Variants in MANF observed in about 807,000 individuals in gnomAD.
The protein encoded by MANF is mesencephalic astrocyte derived neurotrophic factor, also known as mesencephalic astrocyte-derived neurotrophic factor.
A neutral mutation model predicts 19.1 loss-of-function variants in MANF; 9 were observed. The ratio of observed to expected loss-of-function variants is 0.47; its 90% CI spans 0.28 to 0.82. The LOEUF is 0.82. Ranked by LOEUF, MANF falls within the 40% of genes least tolerant of loss-of-function variation. MANF has a pLI of 0.10. For missense variants in MANF, 225 were observed against 226.7 expected (o/e 0.99, Z 0.05); for synonymous variants, 89 against 88.0 (o/e 1.01, Z -0.06).
intron 2 of MANF, among the ~76,000 whole-genome samples, chr3:51,386,699 C>T (rs1055917444): frequency 1.7e-4 from 26 of 152,216 alleles, no homozygotes; most frequent in African/African-American, 6.3e-4. Flanking sequence ...GAAGGGTTAT[C>T]ATTGAAGTGG....
intron 2 of MANF, among the ~76,000 whole-genome samples, chr3:51,387,233 T>A (rs2088971431): frequency 6.6e-6 from 1 of 152,170 alleles, no homozygotes; most frequent in African/African-American, 2.4e-5. Context: ...GGTGGGTGGA[T>A]CACCTGAGGT....
rs1553621226 is a variant in MANF at position 51,389,350 on chromosome 3, A to G, written c.*261A>G. The G allele has an allele frequency of 2.4e-6, 1 of 418,320 alleles. No homozygotes were observed. Among genetic ancestry groups the G allele is most frequent in the Non-Finnish European group, 4.2e-6 (1 of 237,990 alleles). The allele number at this position is 418,320 out of a possible 1,614,324, so 25.9% of individuals were successfully genotyped here. On this transcript the variant is annotated 3_prime_UTR_variant, in exon 4 of 4. Transcript: ENST00000528157. ...AAAAAAAATTTCTAGCTGTCCTTGC[A>G]GAATTATAGTGAATACCAAAATGGG...
intron 3 of MANF, among the ~76,000 whole-genome samples, chr3:51,388,637 A>C (rs1028085211): frequency 6.6e-6 from 1 of 150,726 alleles, no homozygotes; most frequent in Non-Finnish European, 1.5e-5. Context: ...TGTTTCTCCT[A>C]TAAGGACAGT....
Position 51,385,456 on chromosome 3 carries a change from G to T in MANF, c.94+20G>T, listed in dbSNP as rs994229654. On this transcript the variant is annotated intron_variant, in intron 1 of 3. Transcript: ENST00000528157. ...GCGAAGGTGCGGGATAGGGGGCCGG[G>T]GGCCGCGCTCCGTGACCGTTCTGGC... 2.4e-5 allele frequency: 29 copies of T among 1,224,296 alleles called. No individual in the cohort carries two copies. The East Asian group carries it at 8.3e-4, about 35-fold the overall frequency. 75.8% of individuals were successfully genotyped at this position (1,224,296 alleles called of 1,614,324 possible).
At chr3:51,386,020 A>C in intron 1 of MANF, 188 bp from the exon 2 acceptor site, 1 of 602,798 alleles carries the variant, frequency 1.7e-6, no homozygotes, top group Non-Finnish European at 2.9e-6. Context: ...TGGGTGTACC[A>C]GGGGACCCCC....
At chr3:51,387,543 G>C (rs2088974271) in intron 2 of MANF, 194 bp from the exon 3 acceptor site, 1 of 531,238 alleles carries the variant, frequency 1.9e-6, no homozygotes, top group Admixed American at 3.1e-5. Flanking sequence ...GCTGAGAGGG[G>C]AGGATCACCA....
In MANF at chr3:51,385,335, TGAGGAG is replaced by T; in HGVS notation, c.-5_1del. On this transcript the variant is annotated 5_prime_UTR_variant, in exon 1 of 4. Transcript: ENST00000528157. ...CGGAGGAGGAGGAGGAGGAGGAGGATGAGGAGGATGAGGAGGATGTGGGCCACGCAG... is the reference window on the plus strand; with the variant it reads ...CGGAGGAGGAGGAGGAGGAGGAGGATGATGAGGAGGATGTGGGCCACGCAG... 6.0e-6 allele frequency: 7 copies of T among 1,160,238 alleles called. No homozygotes were observed. The highest frequency in any genetic ancestry group is 7.5e-6 in the Non-Finnish European group (7 of 927,980). The allele number at this position is 1,160,238 out of a possible 1,614,324, so 71.9% of individuals were successfully genotyped here. A position where few individuals can be genotyped will look rare whatever the true frequency, so the allele number is the denominator to read the frequency against.
Position 51,387,827 on chromosome 3 carries a change from A to G in MANF, c.313A>G (p.Ile105Val), listed in dbSNP as rs782081679. 4 of 1,613,754 alleles carry G rather than the reference A, an allele frequency of 2.5e-6. No individual in the cohort carries two copies. Among genetic ancestry groups the G allele is most frequent in the Non-Finnish European group, 3.4e-6 (4 of 1,179,742 alleles). The change falls in exon 3 of 4, where the codon ATC becomes GTC. Residue 105 changes from isoleucine (I) to valine (V), a missense_variant. By Grantham distance (29) the Ile-to-Val change is conservative. Transcript: ENST00000528157. ...GGCCCACCACATCCCTGTGGAGAAG[A>G]TCTGTGAGAAGCTTAAGAAGAAGGA... ...PLAHHIPVEK[I>V]CEKLKKKDSQ...
intron 2 of MANF, 152 bp from the exon 3 acceptor site, chr3:51,387,585 T>C: frequency 3.0e-6 from 2 of 659,084 alleles, no homozygotes; most frequent in South Asian, 3.7e-5. Flanking sequence ...GGAGCCGTGA[T>C]CATGCCACTG....
chr3:51,387,687 G>A, intron 2 of MANF, 50 bp from the exon 3 acceptor site: 1 of 1,571,342 alleles, frequency 6.4e-7, no homozygotes, highest in South Asian at 1.1e-5. Flanking sequence ...ATGTTTGGAG[G>A]AGATGGCTCT....
At chr3:51,388,843 G>C (rs527701850) in intron 3 of MANF, 62 bp from the exon 4 acceptor site, 3 of 1,281,642 alleles carry the variant, frequency 2.3e-6, no homozygotes, top group Admixed American at 5.2e-5. Context: ...ACATACTCTG[G>C]GACTACTGGG....
chr3:51,388,432 GA>G (rs2088984090), intron 3 of MANF, among the ~76,000 whole-genome samples: 1 of 152,200 alleles, frequency 6.6e-6, no homozygotes, highest in Admixed American at 6.5e-5. Context: ...GGCCTCTTCT[GA>G]AAAACTTGAA....
Position 51,389,219 on chromosome 3 carries a change from T to C in MANF, c.*130T>C. On this transcript the variant is annotated 3_prime_UTR_variant, in exon 4 of 4. Transcript: ENST00000528157. ...TGTATCAGATGTGAAGCCTGGAGCT[T>C]TCCTGATGATGCTGGCCCTACAGTA... 1.3e-6 allele frequency: 1 copy of C among 756,264 alleles called. No individual in the cohort carries two copies. Among genetic ancestry groups the C allele is most frequent in the Non-Finnish European group, 2.1e-6 (1 of 475,054 alleles). The allele number at this position is 756,264 out of a possible 1,614,324, so 46.8% of individuals were successfully genotyped here.
At chr3:51,386,585 G>A (rs1312540970) in intron 2 of MANF, among the ~76,000 whole-genome samples, 1 of 152,212 alleles carries the variant, frequency 6.6e-6, no homozygotes, top group Non-Finnish European at 1.5e-5. Context: ...GGGAATATCA[G>A]GGGAAAGAAG....
rs985813759 is a variant in MANF at position 51,386,120 on chromosome 3, T to G, written c.95-88T>G. ...ACCTCTAATGATTCATCTCCGTGTC[T>G]CCTATTAAAATTGCTGGCGGAGTTC... is the stretch of plus-strand genomic sequence containing the variant. On this transcript the variant is annotated intron_variant, in intron 1 of 3. Coordinates refer to ENST00000528157, the MANE Select transcript of MANF (RefSeq NM_006010.6). 3.0e-5 allele frequency: 42 copies of G among 1,387,018 alleles called. No homozygotes were observed. In the Admixed American group the frequency reaches 5.9e-4, roughly 20 times the overall value. 85.9% of individuals were successfully genotyped at this position (1,387,018 alleles called of 1,614,324 possible).
chr3:51,389,115 G>C lies in MANF; in HGVS notation c.*26G>C, dbSNP rs782181558. ...TCTGCTCAATCTCTGTTGCACCTGAGGGGGAAAAAACAGTTCAACTGCTTA... is the reference window on the plus strand; with the variant it reads ...TCTGCTCAATCTCTGTTGCACCTGACGGGGAAAAAACAGTTCAACTGCTTA... On this transcript the variant is annotated 3_prime_UTR_variant, in exon 4 of 4. Coordinates refer to ENST00000528157, the MANE Select transcript of MANF (RefSeq NM_006010.6). 8 of 1,591,542 alleles carry C rather than the reference G, an allele frequency of 5.0e-6. No homozygotes were observed. The highest frequency in any genetic ancestry group is 4.1e-5 in the African/African-American group (3 of 73,578).
In MANF at chr3:51,389,224, G is replaced by T; in HGVS notation, c.*135G>T. On this transcript the variant is annotated 3_prime_UTR_variant, in exon 4 of 4. Transcript: ENST00000528157. ...CAGATGTGAAGCCTGGAGCTTTCCT[G>T]ATGATGCTGGCCCTACAGTACCCCC... is the stretch of plus-strand genomic sequence containing the variant. The T allele has an allele frequency of 1.4e-6, 1 of 728,506 alleles. No individual in the cohort carries two copies. 45.1% of individuals were successfully genotyped at this position (728,506 alleles called of 1,614,324 possible).
chr3:51,386,145 C>A (rs1405577830), intron 1 of MANF, 63 bp from the exon 2 acceptor site: 12 of 1,582,060 alleles, frequency 7.6e-6, no homozygotes, highest in South Asian at 2.3e-5. Context: ...TGGCGGAGTT[C>A]TTTTCTGGTG....
At position 51,387,736 on chromosome 3, in the gene MANF, G is replaced by T; in HGVS notation, c.223-1G>T. ...AAGGCCATTGTCCTTTATTGCTCCA[G>T]TGCTACTATATCGGGGCCACAGATG... On this transcript the variant is annotated splice_acceptor_variant, in intron 2 of 3. Coordinates refer to ENST00000528157, the MANE Select transcript of MANF (RefSeq NM_006010.6). LOFTEE classifies it high-confidence loss of function. The T allele has an allele frequency of 6.2e-7, 1 of 1,610,790 alleles. No homozygotes were observed. The highest frequency in any genetic ancestry group is 2.2e-5 in the East Asian group (1 of 44,852).
Sources: gnomAD v4.1 joint callset for allele counts (sites outside exome capture counted in the v4.1 genomes callset) on GRCh38, gnomAD v4.1.1 for gene constraint, MANE v1.5 for transcripts, NCBI Gene and HGNC (gene_info 2026-07-23, HGNC 2026-07-21) for gene names.